Variants in VTCN1 observed in about 807,000 individuals in gnomAD.
VTCN1 encodes the protein V-set domain-containing T-cell activation inhibitor 1.
Under a neutral mutation model 26.5 loss-of-function variants are expected in VTCN1, and 26 were observed. The observed-to-expected ratio is 0.98, with a 90% CI of 0.72 to 1.36. The LOEUF is 1.36. VTCN1 is among the 40% of genes most tolerant of loss of function. The pLI is 0.00. For missense variants in VTCN1, 298 were observed against 337.7 expected (o/e 0.88, Z 0.92); for synonymous variants, 116 against 130.7 (o/e 0.89, Z 0.77).
chr1:117,205,157 T>TATATATAG (rs112844786), intron 1 of VTCN1, among the ~76,000 whole-genome samples: 24 of 137,990 alleles, frequency 1.7e-4, no homozygotes, highest in African/African-American at 2.7e-5. Context: ...TATATATATA[T>TATATATAG]AGAGAGAGAG....
chr1:117,186,468 A>G (rs1299496489), intron 1 of VTCN1, among the ~76,000 whole-genome samples: 3 of 152,256 alleles, frequency 2.0e-5, no homozygotes, highest in East Asian at 1.9e-4. Flanking sequence ...CTGCCTCAGC[A>G]GTATTAGAGA....
intron 1 of VTCN1, among the ~76,000 whole-genome samples, chr1:117,210,456 C>T (rs889288452): frequency 6.6e-6 from 1 of 152,230 alleles, no homozygotes; most frequent in East Asian, 1.9e-4. Context: ...TCCCTGCCAT[C>T]CCACCATGCA....
chr1:117,201,257 G>C (rs1648773056), intron 1 of VTCN1, among the ~76,000 whole-genome samples: 1 of 152,150 alleles, frequency 6.6e-6, no homozygotes, highest in Non-Finnish European at 1.5e-5. Flanking sequence ...TGTCCCAAAA[G>C]CCCCTCAGCA....
chr1:117,163,152 A>C (rs1250485444), intron 2 of VTCN1, among the ~76,000 whole-genome samples: 1 of 152,212 alleles, frequency 6.6e-6, no homozygotes, highest in Non-Finnish European at 1.5e-5. Flanking sequence ...TGCTTCCGTG[A>C]GAAGAAATTT....
At position 117,198,947 on chromosome 1, in the gene VTCN1, T is replaced by A. The variant is rs61808500; in HGVS notation, c.32+11877A>T. 4.0e-3 allele frequency among the ~76,000 whole-genome samples: 616 copies of A among 152,196 alleles called. 5 individuals are homozygous for A. Among genetic ancestry groups the A allele is most frequent in the Middle Eastern group, 0.017 (5 of 294 alleles). On this transcript the variant is annotated intron_variant, in intron 1 of 5. Transcript: ENST00000369458. ...GAAAAATATGACTTTGGATATCAAA[T>A]ATGGGAGGGCATTCCTGGAAAGTAA...
rs1648246300 is a variant in VTCN1 at position 117,191,574 on chromosome 1, G to A, written c.32+19250C>T. Reference sequence around the variant, plus strand: ...AAGGTGGGCAGATCACCTGAGGTCGGGAGTTTGAGACCAGCCTGACCAACA... The same window carrying A: ...AAGGTGGGCAGATCACCTGAGGTCGAGAGTTTGAGACCAGCCTGACCAACA... On this transcript the variant is annotated intron_variant, in intron 1 of 5. Transcript: ENST00000369458. Among the ~76,000 whole-genome samples, 2 of 152,144 alleles carry A rather than the reference G, an allele frequency of 1.3e-5. 1 individual carries two copies. Among genetic ancestry groups the A allele is most frequent in the South Asian group, 4.1e-4 (2 of 4,828 alleles).
chr1:117,178,240 T>C (rs1647470566), intron 1 of VTCN1, among the ~76,000 whole-genome samples: 2 of 112,570 alleles, frequency 1.8e-5, no homozygotes, highest in African/African-American at 3.9e-5. Flanking sequence ...AGTGTTTTTG[T>C]TCTTTCTTTC....
chr1:117,195,353 A>G (rs1476655431), intron 1 of VTCN1, among the ~76,000 whole-genome samples: 3 of 151,728 alleles, frequency 2.0e-5, no homozygotes, highest in Admixed American at 6.6e-5. Context: ...AAGTGTCTTC[A>G]CTGCAAACAC....
At chr1:117,202,961 C>G (rs886868665) in intron 1 of VTCN1, among the ~76,000 whole-genome samples, 13 of 151,994 alleles carry the variant, frequency 8.6e-5, no homozygotes, top group African/African-American at 2.4e-4. Context: ...TCCTGATACA[C>G]GGGTTGCATG....
chr1:117,149,179 T>C (rs961744186), intron 4 of VTCN1, among the ~76,000 whole-genome samples: 4 of 152,158 alleles, frequency 2.6e-5, no homozygotes, highest in Non-Finnish European at 5.9e-5. Flanking sequence ...ACATGCTGGC[T>C]ATTGTGCTAA....
chr1:117,174,697 G>A (rs1647222668), intron 1 of VTCN1, among the ~76,000 whole-genome samples: 1 of 152,182 alleles, frequency 6.6e-6, no homozygotes, highest in African/African-American at 2.4e-5. Flanking sequence ...AGCCCGGGAG[G>A]TGGAGATTAC....
At chr1:117,190,509 CCATACA>C (rs1419834429) in intron 1 of VTCN1, among the ~76,000 whole-genome samples, 3 of 152,190 alleles carry the variant, frequency 2.0e-5, no homozygotes, top group Non-Finnish European at 4.4e-5. Flanking sequence ...GGAGCCATAG[CCATACA>C]CACACCTGAT....
At chr1:117,178,258 T>TC (rs1647473765) in intron 1 of VTCN1, among the ~76,000 whole-genome samples, 2 of 134,620 alleles carry the variant, frequency 1.5e-5, no homozygotes, top group Admixed American at 7.1e-5. Flanking sequence ...TTCTTTTTTT[T>TC]CTTTTTTTTT....
Position 117,175,280 on chromosome 1 carries a change from A to C in VTCN1, c.33-5109T>G, listed in dbSNP as rs1302598730. On this transcript the variant is annotated intron_variant, in intron 1 of 5. Transcript: ENST00000369458. This position sits in a 1 kb window ranked among gnomAD's most constrained non-coding sequence, Gnocchi z 4.2. The stretch of plus-strand genomic sequence containing the variant: ...CAGAAACAATAACTAGTACCTCGGG[A>C]GATAACTTAGACAGACAAGGCAGGC... 6.6e-6 allele frequency among the ~76,000 whole-genome samples: 1 copy of C among 152,232 alleles called. No individual in the cohort carries two copies. Among genetic ancestry groups the C allele is most frequent in the Non-Finnish European group, 1.5e-5 (1 of 68,042 alleles).
At chr1:117,171,433 T>C (rs1406326485) in intron 1 of VTCN1, among the ~76,000 whole-genome samples, 1 of 152,200 alleles carries the variant, frequency 6.6e-6, no homozygotes, top group African/African-American at 2.4e-5. Flanking sequence ...CACCACACTG[T>C]CTTCCACAAT....
intron 1 of VTCN1, among the ~76,000 whole-genome samples, chr1:117,209,152 G>A (rs1649238584): frequency 6.6e-6 from 1 of 152,298 alleles, no homozygotes; most frequent in South Asian, 2.1e-4. Flanking sequence ...AGCCAACAAG[G>A]CATGCAGGAG....
Position 117,210,881 on chromosome 1 carries a change from T to A in VTCN1, c.-26A>T. ...GGCTGGGGAAGGTTCCCAGCGTATC[T>A]GGGTACTGGCTGAGTGGAGCTGCCG... On this transcript the variant is annotated 5_prime_UTR_variant, in exon 1 of 6. Transcript: ENST00000369458. 1 of 1,613,976 alleles carries A rather than the reference T, an allele frequency of 6.2e-7. No homozygotes were observed. The highest frequency in any genetic ancestry group is 8.5e-7 in the Non-Finnish European group (1 of 1,179,906).
chr1:117,149,326 TC>T (rs1253978581), intron 4 of VTCN1, among the ~76,000 whole-genome samples: 3 of 151,176 alleles, frequency 2.0e-5, no homozygotes, highest in Non-Finnish European at 4.4e-5. Flanking sequence ...ATCACCAACC[TC>T]CTAAGTATCC....
intron 1 of VTCN1, among the ~76,000 whole-genome samples, chr1:117,205,682 G>A (rs1649021473): frequency 6.6e-6 from 1 of 152,138 alleles, no homozygotes; most frequent in South Asian, 2.1e-4. Context: ...AAGAGAATAA[G>A]CACAGCTGAT....
Sources: allele counts gnomAD v4.1 joint callset (sites outside exome capture counted in the v4.1 genomes callset), GRCh38; gene constraint gnomAD v4.1.1; non-coding constraint Gnocchi (gnomAD v3.1); transcripts MANE v1.5; gene names NCBI Gene and HGNC (gene_info 2026-07-23, HGNC 2026-07-21).